WHRN: variants seen among roughly 807,000 people sequenced by gnomAD.
WHRN encodes CASK-interacting protein CIP98.
WHRN carries 41 observed loss-of-function variants against 68.3 expected under a neutral mutation model. That is an observed-to-expected ratio of 0.60 (90% CI 0.47 to 0.78). The LOEUF is 0.78. WHRN is among the 30% of genes least tolerant of loss of function. WHRN has a pLI of 0.00. For synonymous variants in WHRN, 560 were observed against 561.3 expected, an observed-to-expected ratio of 1.00 and a Z score of 0.03; for missense variants, 1,243 against 1,244.7, an observed-to-expected ratio of 1.00 and a Z score of 0.02.
intron 3 of WHRN, among the ~76,000 whole-genome samples, chr9:114,461,797 A>T (rs775328644): frequency 4.6e-5 from 7 of 152,172 alleles, no homozygotes; most frequent in Non-Finnish European, 8.8e-5. Flanking sequence ...CATACACTCA[A>T]TTGGTTCCAT....
intron 7 of WHRN, among the ~76,000 whole-genome samples, chr9:114,416,651 A>G (rs1835839559): frequency 6.6e-6 from 1 of 152,158 alleles, no homozygotes; most frequent in Non-Finnish European, 1.5e-5. Context: ...GGCCTACAGA[A>G]CTGTGGGTCA....
intron 3 of WHRN, among the ~76,000 whole-genome samples, chr9:114,444,125 C>A (rs890495682): frequency 1.3e-5 from 2 of 152,146 alleles, no homozygotes. Flanking sequence ...GGGGACACAG[C>A]CAATCCATAT....
At position 114,444,133 on chromosome 9, in the gene WHRN, T is replaced by C. The variant is rs117181931; in HGVS notation, c.964-17720A>G. 3.9e-4 allele frequency among the ~76,000 whole-genome samples: 60 copies of C among 152,248 alleles called. 1 individual carries two copies. The East Asian group carries it at 0.01, about 26-fold the overall frequency. On this transcript the variant is annotated intron_variant, in intron 3 of 11. Transcript: ENST00000362057. Reference sequence around the variant, plus strand: ...TGTGAGTGGGGACACAGCCAATCCATATTAACTCCCGTACCCCATCTAGAT... The same window carrying C: ...TGTGAGTGGGGACACAGCCAATCCACATTAACTCCCGTACCCCATCTAGAT...
At chr9:114,475,698 G>T (rs1355619634) in intron 2 of WHRN, among the ~76,000 whole-genome samples, 1 of 152,186 alleles carries the variant, frequency 6.6e-6, no homozygotes. Flanking sequence ...GGACCAGGCT[G>T]CTGGAGAGAA....
rs142653982 is a variant in WHRN, at chr9:114,406,648, G to A, written c.1943C>T (p.Ser648Phe). The change falls in exon 9 of 12, where the codon TCC becomes TTC. Residue 648 changes from serine to phenylalanine, a missense_variant. By Grantham distance (155) the Ser-to-Phe change is radical. Transcript: ENST00000362057. ...AGGGGAGACGGAGGCATAGATGGGG[G>A]AAGAGGGCAAGTCCTGTGCAGAGGA... ...GTSSAQDLPS[S>F]PIYASVSPAN... The A allele has an allele frequency of 1.9e-6, 3 of 1,613,252 alleles. No homozygotes were observed. In the South Asian group the frequency reaches 3.3e-5, roughly 18 times the overall value.
chr9:114,451,382 G>T (rs1014901895), intron 3 of WHRN, among the ~76,000 whole-genome samples: 2 of 152,166 alleles, frequency 1.3e-5, no homozygotes, highest in Non-Finnish European at 1.5e-5. Flanking sequence ...AGTGAAATAG[G>T]CATGATGAAA....
intron 3 of WHRN, among the ~76,000 whole-genome samples, chr9:114,433,431 G>A (rs946060282): frequency 1.3e-5 from 2 of 152,216 alleles, no homozygotes; most frequent in African/African-American, 2.4e-5. Context: ...GTTGCCTTCA[G>A]CACCCTCCCA....
chr9:114,472,229 T>C (rs7029712), intron 2 of WHRN, among the ~76,000 whole-genome samples: 9,153 of 152,260 alleles, frequency 0.06, 887 homozygotes, highest in African/African-American at 0.21. Flanking sequence ...GAACCTCATA[T>C]GCACCTGGTC....
chr9:114,414,661 C>T (rs528501213), intron 7 of WHRN, among the ~76,000 whole-genome samples: 1 of 152,322 alleles, frequency 6.6e-6, no homozygotes, highest in Non-Finnish European at 1.5e-5. Context: ...GGCAGGTGTT[C>T]CATAAACCGC....
intron 1 of WHRN, among the ~76,000 whole-genome samples, chr9:114,495,682 G>A (rs1254700810): frequency 6.6e-6 from 1 of 152,196 alleles, no homozygotes. Flanking sequence ...ATGGACCTGA[G>A]AAGCAGACTT....
rs1404487439 is a variant in WHRN, at chr9:114,403,150, T to G, written c.2541+67A>C. The G allele has an allele frequency of 9.3e-6, 15 of 1,608,788 alleles. No individual in the cohort carries two copies. In the Admixed American group the frequency reaches 1.2e-4, roughly 13 times the overall value. ...GTTACCCATGGGAGTCGCAAAACCC[T>G]GGAGATGCTGAGAAAGGGCCTTTCA... On this transcript the variant is annotated intron_variant, in intron 11 of 11. Coordinates refer to ENST00000362057, the MANE Select transcript of WHRN (RefSeq NM_015404.4).
chr9:114,426,514 C>T (rs956683419), intron 3 of WHRN, 101 bp from the exon 4 acceptor site: 271 of 1,366,172 alleles, frequency 2.0e-4, no homozygotes, highest in Non-Finnish European at 2.6e-4. Context: ...GCCAGCCTGT[C>T]AAGGAGGTCA....
In WHRN at chr9:114,425,630, C is replaced by CACACACAG. The variant is rs752151116; in HGVS notation, c.1166+580_1166+581insCTGTGTGT. ...ACACACACACACACACACACACACA[C>CACACACAG]AGAGAGACACAGACAGACAGACAGA... On this transcript the variant is annotated intron_variant, in intron 4 of 11. Coordinates refer to ENST00000362057, the MANE Select transcript of WHRN (RefSeq NM_015404.4). The CACACACAG allele has an allele frequency of 4.6e-3, 1,069 of 232,476 alleles. 7 individuals are homozygous for CACACACAG. The highest frequency in any genetic ancestry group is 5.9e-3 in the Non-Finnish European group (707 of 120,180). The allele number at this position is 232,476 out of a possible 1,614,324, so 14.4% of individuals were successfully genotyped here. A position where few individuals can be genotyped will look rare whatever the true frequency, so the allele number is the denominator to read the frequency against.
At chr9:114,415,238 C>A (rs1217858618) in intron 7 of WHRN, among the ~76,000 whole-genome samples, 1 of 151,462 alleles carries the variant, frequency 6.6e-6, no homozygotes, top group Admixed American at 6.6e-5. Flanking sequence ...GAGTTCAAGG[C>A]TGTAGTGAGC....
At chr9:114,457,516 C>T (rs1418534903) in intron 3 of WHRN, among the ~76,000 whole-genome samples, 1 of 152,070 alleles carries the variant, frequency 6.6e-6, no homozygotes, top group East Asian at 1.9e-4. Flanking sequence ...ATTTTCCTTT[C>T]CCATTAATAA....
chr9:114,445,037 G>GTTATTATTATTATTATTATTA (rs566119848), intron 3 of WHRN, among the ~76,000 whole-genome samples: 14 of 150,690 alleles, frequency 9.3e-5, no homozygotes, highest in African/African-American at 3.4e-4. Context: ...GTTTTTTAAT[G>GTTATTATTATTATTATTATTA]TTATTATTAT....
At chr9:114,466,426 G>A (rs766238162) in intron 2 of WHRN, 34 bp from the exon 3 acceptor site, 6 of 1,612,910 alleles carry the variant, frequency 3.7e-6, no homozygotes, top group Non-Finnish European at 4.2e-6. Context: ...TAGAGGGACT[G>A]GAGGAGCCAT....
intron 7 of WHRN, among the ~76,000 whole-genome samples, chr9:114,419,438 G>A (rs1836084281): frequency 6.6e-6 from 1 of 152,228 alleles, no homozygotes; most frequent in Non-Finnish European, 1.5e-5. Context: ...AACCGCACGT[G>A]CGATCGCTGC....
chr9:114,407,946 C>T lies in WHRN; in HGVS notation c.1698+1G>A. On this transcript the variant is annotated splice_donor_variant, in intron 8 of 11. Transcript: ENST00000362057. LOFTEE classifies it high-confidence loss of function. ...AACCAAAGGGCCAGCCAGGGCCTTA[C>T]CACGGACACATCTGGGAGGGCGTTG... The T allele has an allele frequency of 6.3e-7, 1 of 1,599,076 alleles. No homozygotes were observed. The highest frequency in any genetic ancestry group is 8.5e-7 in the Non-Finnish European group (1 of 1,171,868).
Sources: gnomAD v4.1 joint callset for allele counts (sites outside exome capture counted in the v4.1 genomes callset) on GRCh38, gnomAD v4.1.1 for gene constraint, MANE v1.5 for transcripts, NCBI Gene and HGNC (gene_info 2026-07-23, HGNC 2026-07-21) for gene names.